PHF24: variants seen among roughly 807,000 people sequenced by gnomAD.
PHF24 encodes the protein PHD finger protein 24.
In PHF24, 25 loss-of-function variants were observed where a neutral mutation model predicts 42.6. The observed-to-expected ratio is 0.59, with a 90% CI of 0.43 to 0.82. The LOEUF is 0.82. Among genes scored for constraint, PHF24 ranks in the 40% least tolerant of loss-of-function variants. The pLI is 0.00. For synonymous variants in PHF24, 185 were observed against 204.8 expected (o/e 0.90, Z 0.83); for missense variants, 470 against 538.1 (o/e 0.87, Z 1.25).
intron 1 of PHF24, among the ~76,000 whole-genome samples, chr9:34,970,290 T>A (rs1276291030): frequency 6.6e-6 from 1 of 152,190 alleles, no homozygotes; most frequent in African/African-American, 2.4e-5. Flanking sequence ...CTGATGTTAC[T>A]TTTTAACCTG....
chr9:34,832,840 A>G, the PHF24 span: 4 of 1,551,396 alleles, frequency 2.6e-6, no homozygotes, highest in East Asian at 9.8e-5. Context: ...TATTCTCAGG[A>G]ATTGTTGCTG....
At chr9:34,683,928 G>A in the PHF24 span, among the ~76,000 whole-genome samples, 3 of 152,170 alleles carry the variant, frequency 2.0e-5, no homozygotes, top group Non-Finnish European at 2.9e-5. Context: ...ACTTGGCATC[G>A]CCTTTTGGTG....
the PHF24 span, among the ~76,000 whole-genome samples, chr9:34,767,212 A>G: frequency 1.3e-5 from 2 of 152,236 alleles, no homozygotes; most frequent in African/African-American, 4.8e-5. Flanking sequence ...GCATGCTGGC[A>G]GAACCACTGC....
the PHF24 span, among the ~76,000 whole-genome samples, chr9:34,890,657 A>G: frequency 6.6e-6 from 1 of 152,236 alleles, no homozygotes; most frequent in Non-Finnish European, 1.5e-5. Context: ...TGGTTTAGCA[A>G]TCTTTAGACT....
chr9:34,775,507 C>A, the PHF24 span, among the ~76,000 whole-genome samples: 1 of 152,112 alleles, frequency 6.6e-6, no homozygotes, highest in African/African-American at 2.4e-5. Context: ...TGCCAGTGAA[C>A]TGTACACTCA....
At chr9:34,923,899 T>C in the PHF24 span, among the ~76,000 whole-genome samples, 2 of 152,102 alleles carry the variant, frequency 1.3e-5, no homozygotes, top group Non-Finnish European at 2.9e-5. Context: ...CATTAGTTTG[T>C]TTATTTGAAG....
the PHF24 span, among the ~76,000 whole-genome samples, chr9:34,936,003 A>C: frequency 4.6e-5 from 7 of 151,314 alleles, no homozygotes; most frequent in Admixed American, 1.3e-4. Context: ...TCAAAAAAAA[A>C]AAATTGAGTC....
chr9:34,766,029 C>T, the PHF24 span, among the ~76,000 whole-genome samples: 1 of 152,062 alleles, frequency 6.6e-6, no homozygotes, highest in Admixed American at 6.6e-5. Flanking sequence ...AATATTGGCC[C>T]CCACTCTCTT....
chr9:34,859,468 A>T, the PHF24 span, among the ~76,000 whole-genome samples: 1 of 152,124 alleles, frequency 6.6e-6, no homozygotes. Context: ...TACTGTTTTG[A>T]ATATGGCTTT....
the PHF24 span, among the ~76,000 whole-genome samples, chr9:34,707,490 A>G: frequency 6.6e-6 from 1 of 152,214 alleles, no homozygotes; most frequent in Non-Finnish European, 1.5e-5. Flanking sequence ...ACATTTCAAA[A>G]GTAGTATTTC....
chr9:34,909,064 G>T, the PHF24 span, among the ~76,000 whole-genome samples: 2 of 151,382 alleles, frequency 1.3e-5, no homozygotes, highest in Non-Finnish European at 2.9e-5. Context: ...TGGTCAGGCT[G>T]GTCTCAAACT....
the PHF24 span, among the ~76,000 whole-genome samples, chr9:34,850,611 C>T: frequency 1.3e-5 from 2 of 152,264 alleles, no homozygotes; most frequent in African/African-American, 4.8e-5. Flanking sequence ...TCGTCGAAGT[C>T]ATTCTCCATC....
chr9:34,834,078 T>C, the PHF24 span: 1 of 1,540,380 alleles, frequency 6.5e-7, no homozygotes, highest in Non-Finnish European at 8.8e-7. Context: ...TCAAGGGCCG[T>C]TGGCATCCAG....
At chr9:34,702,947 T>G in the PHF24 span, among the ~76,000 whole-genome samples, 1 of 152,056 alleles carries the variant, frequency 6.6e-6, no homozygotes, top group Non-Finnish European at 1.5e-5. Context: ...CATTATTTTG[T>G]CCCCAGATAC....
the PHF24 span, among the ~76,000 whole-genome samples, chr9:34,736,926 G>GATTTA: frequency 2.0e-5 from 3 of 152,004 alleles, no homozygotes; most frequent in Non-Finnish European, 4.4e-5. Context: ...ATGAGAGAGA[G>GATTTA]ATAAATATGT....
chr9:34,717,617 A>T, the PHF24 span, among the ~76,000 whole-genome samples: 139,936 of 152,094 alleles, frequency 0.92, 65,509 homozygotes, highest in East Asian at 1. Flanking sequence ...TGCACGTGAA[A>T]CCAAAGCTAT....
the PHF24 span, chr9:34,895,519 T>C: frequency 2.5e-6 from 1 of 398,366 alleles, no homozygotes; most frequent in Non-Finnish European, 4.4e-6. Flanking sequence ...AAGAGAAAGC[T>C]CGGGGATAAA....
the PHF24 span, chr9:34,689,947 G>T: frequency 6.2e-7 from 1 of 1,614,146 alleles, no homozygotes; most frequent in Non-Finnish European, 8.5e-7. The surrounding 1 kb of genome is among the most constrained non-coding windows in gnomAD (Gnocchi z 4.1). Context: ...GAGGTCCTCT[G>T]CAGTCTCTGG....
chr9:34,739,409 T>A, the PHF24 span, among the ~76,000 whole-genome samples: 1 of 152,226 alleles, frequency 6.6e-6, no homozygotes, highest in African/African-American at 2.4e-5. Flanking sequence ...TCTGGGAATT[T>A]ACCTAATAGA....
Sources: gnomAD v4.1 joint callset for allele counts (sites outside exome capture counted in the v4.1 genomes callset) on GRCh38, gnomAD v4.1.1 for gene constraint, Gnocchi (gnomAD v3.1) non-coding constraint, MANE v1.5 for transcripts, NCBI Gene and HGNC (gene_info 2026-07-23, HGNC 2026-07-21) for gene names.